TBC1D19: variants seen among roughly 807,000 people sequenced by gnomAD.
TBC1D19 encodes TBC1 domain family member 19.
TBC1D19 carries 60 observed loss-of-function variants against 89.0 expected under a neutral mutation model. The observed-to-expected ratio is 0.67, with a 90% CI of 0.55 to 0.84. The LOEUF (loss-of-function observed/expected upper bound fraction) is 0.84. TBC1D19 is among the 40% of genes least tolerant of loss of function. TBC1D19 has a pLI of 0.00. For missense variants in TBC1D19, 500 were observed against 610.8 expected, an observed-to-expected ratio of 0.82 and a Z score of 1.91; for synonymous variants, 189 against 199.7, an observed-to-expected ratio of 0.95 and a Z score of 0.45.
chr4:26,850,271 C>T, the TBC1D19 span, among the ~76,000 whole-genome samples: 13 of 151,834 alleles, frequency 8.6e-5, no homozygotes, highest in South Asian at 2.1e-3. Context: ...AATTTGGGCC[C>T]GGCGCGGTGA....
intron 16 of TBC1D19, among the ~76,000 whole-genome samples, 179 bp downstream of exon 16, chr4:26,735,666 T>C (rs542865001): frequency 6.6e-6 from 1 of 152,310 alleles, no homozygotes; most frequent in South Asian, 2.1e-4. Flanking sequence ...TTATTATTTT[T>C]ATTACACATT....
chr4:26,654,945 G>A (rs780865164), intron 7 of TBC1D19, among the ~76,000 whole-genome samples: 39 of 152,126 alleles, frequency 2.6e-4, no homozygotes, highest in Non-Finnish European at 5.1e-4. Context: ...AGGGGGAAAG[G>A]CACTCGATTT....
At chr4:26,616,275 T>C (rs1042365194) in intron 3 of TBC1D19, among the ~76,000 whole-genome samples, 2 of 152,142 alleles carry the variant, frequency 1.3e-5, no homozygotes, top group South Asian at 2.1e-4. Flanking sequence ...TCAAATAGCA[T>C]TGGATCAGGG....
chr4:26,666,939 G>A (rs1254804837), intron 9 of TBC1D19, among the ~76,000 whole-genome samples: 1 of 151,796 alleles, frequency 6.6e-6, no homozygotes, highest in East Asian at 1.9e-4. Context: ...TATTGTAGTG[G>A]AAATAATACT....
At chr4:26,658,417 G>C (rs972583756) in intron 7 of TBC1D19, among the ~76,000 whole-genome samples, 4 of 152,102 alleles carry the variant, frequency 2.6e-5, no homozygotes, top group African/African-American at 7.2e-5. Flanking sequence ...TGTTGTTTTG[G>C]TGGCCTCTGT....
the TBC1D19 span, among the ~76,000 whole-genome samples, chr4:26,830,997 T>C: frequency 1.3e-5 from 2 of 152,180 alleles, no homozygotes; most frequent in Non-Finnish European, 2.9e-5. Context: ...ACCAAAAGCT[T>C]AAGAGTGATT....
chr4:26,682,376 G>A (rs1219869424), intron 11 of TBC1D19, among the ~76,000 whole-genome samples: 1 of 152,176 alleles, frequency 6.6e-6, no homozygotes, highest in Non-Finnish European at 1.5e-5. Flanking sequence ...TAAATGCCCT[G>A]ATCATCATTA....
At chr4:26,590,359 A>G (rs999192707) in intron 1 of TBC1D19, among the ~76,000 whole-genome samples, 4 of 152,192 alleles carry the variant, frequency 2.6e-5, no homozygotes, top group Admixed American at 6.5e-5. Context: ...GAATTAGGGT[A>G]TAAATATTGC....
chr4:26,630,187 T>G (rs75497918), intron 4 of TBC1D19, among the ~76,000 whole-genome samples: 2,335 of 152,002 alleles, frequency 0.015, 62 homozygotes, highest in African/African-American at 0.054. Context: ...TTTTTGCTTC[T>G]CATACTTAGA....
At chr4:26,586,494 T>A (rs1739426357) in intron 1 of TBC1D19, among the ~76,000 whole-genome samples, 1 of 152,306 alleles carries the variant, frequency 6.6e-6, no homozygotes, top group African/African-American at 2.4e-5. Context: ...TATAAATTAC[T>A]ACAAAAATTG....
chr4:26,769,557 T>A, the TBC1D19 span, among the ~76,000 whole-genome samples: 2 of 151,876 alleles, frequency 1.3e-5, no homozygotes, highest in African/African-American at 4.8e-5. Context: ...TCTTTTTTTT[T>A]TTTGAGACAG....
intron 10 of TBC1D19, among the ~76,000 whole-genome samples, chr4:26,672,589 G>C (rs1239563657): frequency 6.6e-6 from 1 of 152,002 alleles, no homozygotes; most frequent in Non-Finnish European, 1.5e-5. Flanking sequence ...AACTGTAATG[G>C]TTCCCAGTGA....
the TBC1D19 span, among the ~76,000 whole-genome samples, chr4:26,819,100 G>T: frequency 2.0e-5 from 3 of 152,214 alleles, no homozygotes; most frequent in Non-Finnish European, 2.9e-5. Context: ...TGGGGCAGCC[G>T]CTGGAAGCAA....
At chr4:26,768,130 A>G in the TBC1D19 span, among the ~76,000 whole-genome samples, 1 of 152,144 alleles carries the variant, frequency 6.6e-6, no homozygotes, top group African/African-American at 2.4e-5. Flanking sequence ...CACATGAGGA[A>G]CCTATCCAAG....
chr4:26,760,325 G>A (rs1719413710), downstream of TBC1D19, among the ~76,000 whole-genome samples: 1 of 152,168 alleles, frequency 6.6e-6, no homozygotes, highest in South Asian at 2.1e-4. Flanking sequence ...CACTTTGGGA[G>A]GCCAAGGCAG....
In TBC1D19 at chr4:26,659,824, GT is replaced by G. The variant is rs367958219; in HGVS notation, c.591+118del. 9 of 551,174 alleles carry G rather than the reference GT, an allele frequency of 1.6e-5. No homozygotes were observed. In the African/African-American group the frequency reaches 1.7e-4, roughly 10 times the overall value. The allele number at this position is 551,174 out of a possible 1,614,324, so 34.1% of individuals were successfully genotyped here. On this transcript the variant is annotated intron_variant, in intron 8 of 20. Transcript: ENST00000264866. ...TCTACTCATTAAACAAATTAATAAA[GT>G]GACGTTGATTCTTTTATTGCAAATA...
At chr4:26,664,971 C>G (rs1452838767) in intron 8 of TBC1D19, among the ~76,000 whole-genome samples, 1 of 152,166 alleles carries the variant, frequency 6.6e-6, no homozygotes, top group Non-Finnish European at 1.5e-5. Flanking sequence ...TCCTGGCTCT[C>G]AGTCCTCACT....
At chr4:26,667,274 A>T (rs894688910) in intron 9 of TBC1D19, among the ~76,000 whole-genome samples, 13 of 152,140 alleles carry the variant, frequency 8.5e-5, no homozygotes, top group African/African-American at 3.1e-4. Flanking sequence ...TAATAAGAGG[A>T]CAGCTTAATG....
At chr4:26,818,373 A>T in the TBC1D19 span, among the ~76,000 whole-genome samples, 2 of 152,022 alleles carry the variant, frequency 1.3e-5, no homozygotes, top group Non-Finnish European at 2.9e-5. Context: ...AACTACAGGC[A>T]TGCACCACCA....
Sources: gnomAD v4.1 joint callset for allele counts (sites outside exome capture counted in the v4.1 genomes callset) on GRCh38, gnomAD v4.1.1 for gene constraint, MANE v1.5 for transcripts, NCBI Gene and HGNC (gene_info 2026-07-23, HGNC 2026-07-21) for gene names.